Variants in CR1L observed in about 807,000 individuals in gnomAD.
CR1L encodes the protein complement C3b/C4b receptor 1 like, also known as complement component receptor 1-like protein.
In CR1L, 59 loss-of-function variants were observed where a neutral mutation model predicts 62.3. The observed-to-expected ratio is 0.95, with a 90% CI of 0.77 to 1.18. The LOEUF (loss-of-function observed/expected upper bound fraction) is 1.18. Ranked by LOEUF, CR1L falls within the 50% of genes most tolerant of loss-of-function variation. The pLI, the probability that CR1L is intolerant of heterozygous loss-of-function variation, is 0.00. For synonymous variants in CR1L, 279 were observed against 248.7 expected (o/e 1.12, Z -1.15); for missense variants, 700 against 702.8 (o/e 1.00, Z 0.04).
intron 1 of CR1L, among the ~76,000 whole-genome samples, chr1:207,661,649 A>C (rs2102446312): frequency 6.6e-6 from 1 of 152,228 alleles, no homozygotes; most frequent in South Asian, 2.1e-4. Flanking sequence ...ATTTACATTT[A>C]AGGTTAATAT....
intron 1 of CR1L, among the ~76,000 whole-genome samples, chr1:207,665,085 G>A (rs1032166794): frequency 3.3e-5 from 5 of 152,066 alleles, no homozygotes; most frequent in African/African-American, 7.2e-5. Flanking sequence ...ACGGAGTCTT[G>A]CTCTGTTGCC....
intron 6 of CR1L, 34 bp from the exon 7 acceptor site, chr1:207,697,737 C>T: frequency 1.2e-6 from 2 of 1,614,016 alleles, no homozygotes; most frequent in Non-Finnish European, 1.7e-6. Flanking sequence ...TCTCCACATG[C>T]CAGTTATTTC....
At chr1:207,687,391 G>A (rs1375602384) in intron 4 of CR1L, among the ~76,000 whole-genome samples, 3 of 152,050 alleles carry the variant, frequency 2.0e-5, no homozygotes, top group African/African-American at 4.8e-5. Context: ...GTAGTAAAGT[G>A]CACACATCTT....
chr1:207,673,711 C>T (rs1558015146), intron 1 of CR1L, among the ~76,000 whole-genome samples: 2 of 152,194 alleles, frequency 1.3e-5, no homozygotes, highest in South Asian at 2.1e-4. Flanking sequence ...TAATATACTG[C>T]TATTCGGCAG....
chr1:207,688,905 A>G (rs979897309), intron 4 of CR1L, among the ~76,000 whole-genome samples: 52 of 152,092 alleles, frequency 3.4e-4, no homozygotes, highest in Non-Finnish European at 2.5e-4. Context: ...TTACTTTTAA[A>G]TTGAATAGTT....
intron 1 of CR1L, among the ~76,000 whole-genome samples, chr1:207,672,794 G>A (rs1407373298): frequency 1.3e-5 from 2 of 152,134 alleles, no homozygotes; most frequent in Admixed American, 6.6e-5. Context: ...ATAGAAAGAA[G>A]GGTAATTCCA....
rs767539104 is a variant in CR1L, at chr1:207,694,375, C to G, written c.486C>G (p.Pro162=). The change falls in exon 5 of 12, where the codon CCC becomes CCG. Residue 162 remains proline (P), a synonymous_variant. Transcript: ENST00000508064. ...VCDRIICGLP[P]TIANGDFTSI... is the part of the protein sequence containing the mutation. ...CAGGAATTATTTGTGGGCTACCCCC[C>G]ACCATCGCCAATGGAGATTTCACTA... 21 of 1,613,872 alleles carry G rather than the reference C, an allele frequency of 1.3e-5. No homozygotes were observed. Among genetic ancestry groups the G allele is most frequent in the Non-Finnish European group, 1.6e-5 (19 of 1,179,886 alleles).
At chr1:207,706,854 C>T (rs1036880998) in intron 9 of CR1L, among the ~76,000 whole-genome samples, 1 of 151,932 alleles carries the variant, frequency 6.6e-6, no homozygotes, top group Non-Finnish European at 1.5e-5. Context: ...AAACAAACAA[C>T]AACAACAAAA....
At chr1:207,660,434 G>C (rs1428772654) in intron 1 of CR1L, among the ~76,000 whole-genome samples, 1 of 152,252 alleles carries the variant, frequency 6.6e-6, no homozygotes, top group Admixed American at 6.5e-5. Context: ...CTGCAGCTGA[G>C]GGACCTGTCT....
intron 3 of CR1L, among the ~76,000 whole-genome samples, chr1:207,678,530 G>A (rs1033439343): frequency 6.6e-6 from 1 of 152,192 alleles, no homozygotes; most frequent in Non-Finnish European, 1.5e-5. Context: ...GAAAAGTGTG[G>A]CATTCATTGG....
rs1046724336 is a variant in CR1L at position 207,668,068 on chromosome 1, G to C, written c.98-9321G>C. Among the ~76,000 whole-genome samples, 3 of 151,030 alleles carry C rather than the reference G, an allele frequency of 2.0e-5. No individual in the cohort carries two copies. The South Asian group carries it at 6.2e-4, about 31-fold the overall frequency. ...AATAGAGACCTCTTATACACTGTTAGGGAATCCAAATTAATATGGCCATTA... is the reference window on the plus strand; with the variant it reads ...AATAGAGACCTCTTATACACTGTTACGGAATCCAAATTAATATGGCCATTA... On this transcript the variant is annotated intron_variant, in intron 1 of 11. Transcript: ENST00000508064.
rs544667789 is a variant in CR1L, at chr1:207,668,908, A to C, written c.98-8481A>C. ...TTTACATTTTTTGAATATATATCTA[A>C]TTGTCCTTCCCTTTTTAAAAATCTT... On this transcript the variant is annotated intron_variant, in intron 1 of 11. Coordinates refer to ENST00000508064, the MANE Select transcript of CR1L (RefSeq NM_175710.2). Among the ~76,000 whole-genome samples, 3 of 151,058 alleles carry C rather than the reference A, an allele frequency of 2.0e-5. No individual in the cohort carries two copies. The South Asian group carries it at 6.2e-4, about 31-fold the overall frequency.
chr1:207,645,138 G>A lies in CR1L; in HGVS notation c.-96G>A. The A allele has an allele frequency of 8.4e-7, 1 of 1,187,504 alleles. No individual in the cohort carries two copies. The highest frequency in any genetic ancestry group is 1.2e-6 in the Non-Finnish European group (1 of 815,996). The allele number at this position is 1,187,504 out of a possible 1,614,324, so 73.6% of individuals were successfully genotyped here. A position where few individuals can be genotyped will look rare whatever the true frequency, so the allele number is the denominator to read the frequency against. On this transcript the variant is annotated 5_prime_UTR_variant, in exon 1 of 12. Transcript: ENST00000508064. ...AAACTGTGAGTTTGGGGATTGTTGT[G>A]TCCACTAACCGGACTCAGAAGGGAC...
At chr1:207,721,705 C>T (rs1485948849) in intron 11 of CR1L, among the ~76,000 whole-genome samples, 1 of 151,102 alleles carries the variant, frequency 6.6e-6, no homozygotes, top group African/African-American at 2.4e-5. Flanking sequence ...GGGTATATAC[C>T]CAGTAATGGG....
Position 207,694,477 on chromosome 1 carries a change from G to A in CR1L, c.588G>A (p.Val196=), listed in dbSNP as rs1664041175. ...HCNLGSRGKK[V]FELVGEPSIY... The stretch of plus-strand genomic sequence containing the variant: ...ATCTTGGAAGCAGAGGGAAAAAGGT[G>A]TTTGAGCTTGTGGGTGAGCCCTCCA... Residue 196 remains valine, a synonymous_variant, in exon 5 of 12, where the codon GTG becomes GTA. Coordinates refer to ENST00000508064, the MANE Select transcript of CR1L (RefSeq NM_175710.2). 3 of 1,613,884 alleles carry A rather than the reference G, an allele frequency of 1.9e-6. No homozygotes were observed. The highest frequency in any genetic ancestry group is 2.7e-5 in the African/African-American group (2 of 75,052).
In CR1L at chr1:207,717,586, A is replaced by T. The variant is rs1259233677; in HGVS notation, c.1537A>T (p.Thr513Ser). 1 of 1,613,936 alleles carries T rather than the reference A, an allele frequency of 6.2e-7. No homozygotes were observed. Among genetic ancestry groups the T allele is most frequent in the South Asian group, 1.1e-5 (1 of 91,072 alleles). Residue 513 changes from threonine (T) to serine (S), a missense_variant, in exon 11 of 12, where the codon ACC (threonine) becomes TCC (serine). Physicochemically the swap from Thr to Ser is moderately conservative, Grantham distance 58. Coordinates refer to ENST00000508064, the MANE Select transcript of CR1L (RefSeq NM_175710.2). ...TCDPHPDRGM[T>S]FNLIGESTIR... ...TGACCCCCACCCAGACAGAGGGATG[A>T]CCTTCAACCTCATTGGGGAGAGCAC...
At position 207,695,000 on chromosome 1, in the gene CR1L, C is replaced by T. The variant is rs1374190898; in HGVS notation, c.862+249C>T. Among the ~76,000 whole-genome samples the T allele has an allele frequency of 2.0e-5, 3 of 152,280 alleles. No homozygotes were observed. In the East Asian group the frequency reaches 5.8e-4, roughly 29 times the overall value. On this transcript the variant is annotated intron_variant, in intron 5 of 11. Coordinates refer to ENST00000508064, the MANE Select transcript of CR1L (RefSeq NM_175710.2). ...TCTTATAAGCAAATCTATTAATTAC[C>T]TTTGAGTATAATAACTGCTGATAGA...
intron 1 of CR1L, chr1:207,669,371 CT>C: frequency 1.0e-6 from 1 of 992,328 alleles, no homozygotes. Flanking sequence ...GGTCACTCCT[CT>C]TTGCACTGCG....
chr1:207,667,726 G>GA (rs201329214), intron 1 of CR1L, among the ~76,000 whole-genome samples: 3,868 of 151,502 alleles, frequency 0.026, 106 homozygotes, highest in Admixed American at 0.035. Context: ...ACAGAGTGAA[G>GA]AAAAAAACCT....
Sources: allele counts gnomAD v4.1 joint callset (sites outside exome capture counted in the v4.1 genomes callset), GRCh38; gene constraint gnomAD v4.1.1; transcripts MANE v1.5; gene names NCBI Gene and HGNC (gene_info 2026-07-23, HGNC 2026-07-21).